The following NRG1 variants were observed in gnomAD, a reference collection of about 807,000 sequenced individuals.
NRG1 encodes the protein pro-neuregulin-1, membrane-bound isoform.
In NRG1, 18 loss-of-function variants were observed where a neutral mutation model predicts 63.8. That is an observed-to-expected ratio of 0.28 (90% CI 0.19 to 0.42). The LOEUF (loss-of-function observed/expected upper bound fraction) is 0.42. Ranked by LOEUF, NRG1 falls within the 10% of genes least tolerant of loss-of-function variation. The pLI, the probability that NRG1 is intolerant of heterozygous loss-of-function variation, is 1.00. For synonymous variants in NRG1, 302 were observed against 301.3 expected (o/e 1.00, Z -0.02); for missense variants, 762 against 814.7 (o/e 0.94, Z 0.79).
chr8:32,517,540 C>G (rs756288932), intron 1 of NRG1, among the ~76,000 whole-genome samples: 3 of 152,046 alleles, frequency 2.0e-5, no homozygotes, highest in Non-Finnish European at 4.4e-5. Context: ...AGGCATGTAT[C>G]TATGTGTTGG....
intron 1 of NRG1, chr8:32,139,329 G>A (rs1835948016): frequency 6.6e-6 from 1 of 152,190 alleles, no homozygotes; most frequent in Admixed American, 6.5e-5. Flanking sequence ...ATCTGCTTAA[G>A]GACCTGGTAA....
At chr8:32,013,426 T>C (rs1475837762) in intron 1 of NRG1, among the ~76,000 whole-genome samples, 1 of 152,132 alleles carries the variant, frequency 6.6e-6, no homozygotes, top group African/African-American at 2.4e-5. Context: ...CTTAGCTTTC[T>C]TGAGCATGCC....
At chr8:31,836,301 A>T (rs550576652) in intron 1 of NRG1, among the ~76,000 whole-genome samples, 1 of 152,166 alleles carries the variant, frequency 6.6e-6, no homozygotes, top group Non-Finnish European at 1.5e-5. Flanking sequence ...TTGAATTACA[A>T]CTGTGACTTT....
rs757043252 is a variant in NRG1, at chr8:31,778,736, T to C, written c.37+139305T>C. Among the ~76,000 whole-genome samples the C allele has an allele frequency of 2.0e-4, 31 of 152,348 alleles. No homozygotes were observed. The Middle Eastern group carries it at 0.01, about 50-fold the overall frequency. ...TAATCCTCTCCATGACCTAAAGCAC[T>C]GCTATGCTGAAGTGCATTTTGCCTA... is the stretch of plus-strand genomic sequence containing the variant. On this transcript the variant is annotated intron_variant, in intron 1 of 10. Transcript: ENST00000519301.
At chr8:32,319,238 G>A (rs1387969514) in intron 1 of NRG1, among the ~76,000 whole-genome samples, 1 of 152,188 alleles carries the variant, frequency 6.6e-6, no homozygotes, top group Non-Finnish European at 1.5e-5. Context: ...TTGCAGGGGT[G>A]TTGATGGAAA....
chr8:31,977,333 C>T (rs1410699242), intron 1 of NRG1, among the ~76,000 whole-genome samples: 1 of 152,044 alleles, frequency 6.6e-6, no homozygotes, highest in Non-Finnish European at 1.5e-5. Context: ...TAGAATGATT[C>T]CCCTAATGTT....
intron 1 of NRG1, among the ~76,000 whole-genome samples, chr8:31,707,014 TG>T (rs1156678669): frequency 2.0e-4 from 31 of 152,202 alleles, no homozygotes; most frequent in African/African-American, 6.7e-4. Context: ...TTTCTATTTT[TG>T]TTTTTTTGTT....
intron 5 of NRG1, chr8:32,647,585 G>C: frequency 7.2e-7 from 1 of 1,395,284 alleles, no homozygotes; most frequent in Non-Finnish European, 9.3e-7. Flanking sequence ...AACTCTTCTT[G>C]ATTTTAATAA....
chr8:31,643,613 G>A lies in NRG1; in HGVS notation c.37+4182G>A, dbSNP rs192722002. Among the ~76,000 whole-genome samples, 11 of 152,328 alleles carry A rather than the reference G, an allele frequency of 7.2e-5. No individual in the cohort carries two copies. The East Asian group carries it at 2.1e-3, about 29-fold the overall frequency. ...ATAGCTTAATTGCTTTGTAGTTGAA[G>A]TTTGTATAAATGACACTTCCTTTAC... On this transcript the variant is annotated intron_variant, in intron 1 of 10. Coordinates refer to the NRG1 transcript ENST00000519301.
chr8:32,697,510 T>G (rs917655042), intron 5 of NRG1, among the ~76,000 whole-genome samples: 3 of 152,228 alleles, frequency 2.0e-5, no homozygotes, highest in Non-Finnish European at 4.4e-5. Context: ...TCTTCAAGTG[T>G]CTACAGTCTT....
At chr8:31,838,131 A>G (rs1438009982) in intron 1 of NRG1, among the ~76,000 whole-genome samples, 1 of 152,016 alleles carries the variant, frequency 6.6e-6, no homozygotes, top group Admixed American at 6.6e-5. Context: ...TCGCCAGCAT[A>G]ATAACGATTT....
intron 1 of NRG1, among the ~76,000 whole-genome samples, chr8:32,363,108 C>T (rs921774844): frequency 1.3e-5 from 2 of 152,156 alleles, no homozygotes; most frequent in African/African-American, 4.8e-5. Flanking sequence ...TAAACATATG[C>T]CTCATAGTCT....
chr8:32,202,286 G>A (rs1205351998), intron 1 of NRG1, among the ~76,000 whole-genome samples: 1 of 152,140 alleles, frequency 6.6e-6, no homozygotes, highest in East Asian at 1.9e-4. Context: ...TAGTGAAACG[G>A]GAGAGTTCCC....
intron 11 of NRG1, among the ~76,000 whole-genome samples, chr8:32,761,999 A>C (rs1268232346): frequency 1.5e-5 from 2 of 134,918 alleles, no homozygotes; most frequent in African/African-American, 2.8e-5. Context: ...AGATGGTGCC[A>C]CTGTACTCCA....
intron 1 of NRG1, among the ~76,000 whole-genome samples, chr8:32,567,456 A>G (rs1444750918): frequency 6.6e-6 from 1 of 152,242 alleles, no homozygotes; most frequent in Non-Finnish European, 1.5e-5. Context: ...TCTCTGGCCT[A>G]GTCTGATGCT....
intron 1 of NRG1, among the ~76,000 whole-genome samples, chr8:32,373,739 C>T (rs1185529007): frequency 6.6e-6 from 1 of 152,094 alleles, no homozygotes; most frequent in African/African-American, 2.4e-5. Flanking sequence ...GATTGCACCA[C>T]TGCACTCCAG....
intron 5 of NRG1, among the ~76,000 whole-genome samples, chr8:32,664,649 A>G (rs1194314494): frequency 1.3e-5 from 2 of 152,062 alleles, no homozygotes; most frequent in East Asian, 3.9e-4. Flanking sequence ...GATGATGATG[A>G]TGAAGATGGT....
At chr8:32,575,459 A>C (rs1017610611) in intron 1 of NRG1, among the ~76,000 whole-genome samples, 1 of 152,088 alleles carries the variant, frequency 6.6e-6, no homozygotes, top group Non-Finnish European at 1.5e-5. Context: ...GTGGTAGTAA[A>C]ATTAACTAAA....
rs974736761 is a variant in NRG1, at chr8:32,164,327, A to G, written c.38-431501A>G. Among the ~76,000 whole-genome samples the G allele has an allele frequency of 1.1e-4, 16 of 152,186 alleles. No homozygotes were observed. The East Asian group carries it at 1.4e-3, about 13-fold the overall frequency. On this transcript the variant is annotated intron_variant, in intron 1 of 10. Coordinates refer to the NRG1 transcript ENST00000519301. ...CTTTGAATTTGGAATGCTTCCTGCC[A>G]AGAAAATTATATTCTGAAACTCCTT...
Sources: gnomAD v4.1 joint callset for allele counts (sites outside exome capture counted in the v4.1 genomes callset) on GRCh38, gnomAD v4.1.1 for gene constraint, MANE v1.5 for transcripts, NCBI Gene and HGNC (gene_info 2026-07-23, HGNC 2026-07-21) for gene names.